GRIK4: variants seen among roughly 807,000 people sequenced by gnomAD.
GRIK4 encodes the protein glutamate receptor ionotropic, kainate 4.
GRIK4 carries 40 observed loss-of-function variants against 104.9 expected under a neutral mutation model. That is an observed-to-expected ratio of 0.38 (90% CI 0.30 to 0.50). The LOEUF (loss-of-function observed/expected upper bound fraction) is 0.50, where lower values mean the gene tolerates loss of function less well. Among genes scored for constraint, GRIK4 ranks in the 20% least tolerant of loss-of-function variants. The pLI, the probability that GRIK4 is intolerant of heterozygous loss-of-function variation, is 0.93. For missense variants in GRIK4, 1,047 were observed against 1,308.1 expected, an observed-to-expected ratio of 0.80 and a Z score of 3.08; for synonymous variants, 485 against 524.9, an observed-to-expected ratio of 0.92 and a Z score of 1.04.
chr11:120,917,172 G>A (rs371984998), intron 13 of GRIK4, among the ~76,000 whole-genome samples: 2 of 150,032 alleles, frequency 1.3e-5, no homozygotes, highest in East Asian at 1.9e-4. Flanking sequence ...GCTTGAACCC[G>A]GGAGGCGGAG....
intron 1 of GRIK4, among the ~76,000 whole-genome samples, chr11:120,554,524 C>G (rs1165671507): frequency 6.6e-6 from 1 of 152,060 alleles, no homozygotes; most frequent in Admixed American, 6.6e-5. Context: ...CCTTTTCCTT[C>G]CAGTCTCTCT....
At chr11:120,935,839 C>T (rs1367737744) in intron 13 of GRIK4, among the ~76,000 whole-genome samples, 1 of 152,146 alleles carries the variant, frequency 6.6e-6, no homozygotes, top group Non-Finnish European at 1.5e-5. Context: ...AAAAATACCA[C>T]CAGGACAGGG....
intron 13 of GRIK4, among the ~76,000 whole-genome samples, chr11:120,925,486 T>C (rs1206121119): frequency 6.6e-6 from 1 of 152,212 alleles, no homozygotes; most frequent in Non-Finnish European, 1.5e-5. Context: ...GATCCCCATG[T>C]GGACCAGTTA....
At chr11:120,528,687 C>T (rs1947889676) in intron 1 of GRIK4, among the ~76,000 whole-genome samples, 1 of 152,206 alleles carries the variant, frequency 6.6e-6, no homozygotes, top group East Asian at 1.9e-4. Context: ...CAAGTCACAT[C>T]TTACATGAAT....
At chr11:120,900,308 G>T (rs1158049395) in intron 12 of GRIK4, among the ~76,000 whole-genome samples, 2 of 152,220 alleles carry the variant, frequency 1.3e-5, no homozygotes, top group Non-Finnish European at 2.9e-5. Flanking sequence ...TGGGTCCATA[G>T]AGCTTAGGAA....
chr11:120,802,625 C>G, intron 3 of GRIK4, 68 bp from the exon 4 acceptor site: 1 of 1,359,394 alleles, frequency 7.4e-7, no homozygotes, highest in Middle Eastern at 2.5e-4. Context: ...CAGGGGGAGG[C>G]TGGAGAAGGA....
chr11:120,948,973 ATT>A lies in GRIK4; in HGVS notation c.1591-3881_1591-3880del, dbSNP rs552476446. Among the ~76,000 whole-genome samples, 407 of 152,304 alleles carry A rather than the reference ATT, an allele frequency of 2.7e-3. 4 individuals carry two copies. The highest frequency in any genetic ancestry group is 9.5e-3 in the African/African-American group (393 of 41,562). ...ATGTCTTGTAAATGGTGGGGCCAGAATTCAATCTTGGGCAGTCTGGCTGCAGA... is the reference window on the plus strand; with the variant it reads ...ATGTCTTGTAAATGGTGGGGCCAGAACAATCTTGGGCAGTCTGGCTGCAGA... On this transcript the variant is annotated intron_variant, in intron 14 of 20. Transcript: ENST00000527524.
intron 7 of GRIK4, 150 bp from the exon 8 acceptor site, chr11:120,836,641 G>T: frequency 1.5e-6 from 1 of 659,602 alleles, no homozygotes; most frequent in East Asian, 2.5e-5. Flanking sequence ...AAGATCAAGG[G>T]CAACATAAGA....
chr11:120,670,942 G>A (rs1311743673), intron 3 of GRIK4, among the ~76,000 whole-genome samples: 1 of 151,988 alleles, frequency 6.6e-6, no homozygotes, highest in African/African-American at 2.4e-5. Context: ...ACTTATGAGT[G>A]AGAACATGTG....
At chr11:120,943,218 C>T (rs927585714) in intron 14 of GRIK4, among the ~76,000 whole-genome samples, 2 of 151,698 alleles carry the variant, frequency 1.3e-5, no homozygotes, top group Admixed American at 6.6e-5. Flanking sequence ...CAGGATGCCA[C>T]GTGGCTGCCT....
At chr11:120,624,016 G>T (rs1375599890) in intron 1 of GRIK4, among the ~76,000 whole-genome samples, 1 of 143,522 alleles carries the variant, frequency 7.0e-6, no homozygotes, top group East Asian at 2.0e-4. Context: ...TTTCCGCCCT[G>T]CCTCTCTCCA....
rs535111543 is a variant in GRIK4 at position 120,871,744 on chromosome 11, T to C, written c.907-2322T>C. On this transcript the variant is annotated intron_variant, in intron 9 of 20. Coordinates refer to ENST00000527524, the MANE Select transcript of GRIK4 (RefSeq NM_014619.5). ...TACCTGCCAGATGGTAGTGGCTGAATAAAAGTGGGAATAAAGCAAAGAAGC... is the reference window on the plus strand; with the variant it reads ...TACCTGCCAGATGGTAGTGGCTGAACAAAAGTGGGAATAAAGCAAAGAAGC... 3.6e-3 allele frequency: 1,626 copies of C among 455,284 alleles called. 37 individuals carry two copies. The highest frequency in any genetic ancestry group is 0.025 in the South Asian group (1,597 of 64,486). The allele number at this position is 455,284 out of a possible 1,614,324, so 28.2% of individuals were successfully genotyped here.
At chr11:120,614,530 G>T (rs1343018154) in intron 1 of GRIK4, among the ~76,000 whole-genome samples, 1 of 152,192 alleles carries the variant, frequency 6.6e-6, no homozygotes. Context: ...TGGCCCCACA[G>T]CTGCTCCTGG....
intron 11 of GRIK4, among the ~76,000 whole-genome samples, chr11:120,887,291 G>A (rs1347288788): frequency 6.6e-6 from 1 of 152,132 alleles, no homozygotes; most frequent in African/African-American, 2.4e-5. Flanking sequence ...GCTGCCCGTG[G>A]CCTCCTACCG....
chr11:120,789,353 A>G (rs1952351055), intron 3 of GRIK4, among the ~76,000 whole-genome samples: 1 of 152,166 alleles, frequency 6.6e-6, no homozygotes, highest in Non-Finnish European at 1.5e-5. Context: ...TCACTATCTA[A>G]ATTGTCAGTG....
intron 1 of GRIK4, among the ~76,000 whole-genome samples, chr11:120,575,114 C>G (rs1352226872): frequency 6.6e-6 from 1 of 152,134 alleles, no homozygotes; most frequent in Non-Finnish European, 1.5e-5. Flanking sequence ...TCCAGAGGAC[C>G]CTGTTGTGCC....
intron 5 of GRIK4, among the ~76,000 whole-genome samples, chr11:120,818,893 G>T (rs1012668447): frequency 6.6e-6 from 1 of 152,158 alleles, no homozygotes; most frequent in Non-Finnish European, 1.5e-5. Context: ...GGACACCAGG[G>T]GTGAGAGTGG....
At chr11:120,684,259 G>C (rs1421420675) in intron 3 of GRIK4, among the ~76,000 whole-genome samples, 1 of 152,184 alleles carries the variant, frequency 6.6e-6, no homozygotes, top group Non-Finnish European at 1.5e-5. Context: ...GGAGATTGAG[G>C]CTGCAGTGAA....
At chr11:120,827,121 A>G (rs1390902894) in intron 6 of GRIK4, among the ~76,000 whole-genome samples, 1 of 152,216 alleles carries the variant, frequency 6.6e-6, no homozygotes, top group African/African-American at 2.4e-5. Context: ...TCCAGCCAGT[A>G]AAGAGGGAAG....
Sources: gnomAD v4.1 joint callset for allele counts (sites outside exome capture counted in the v4.1 genomes callset) on GRCh38, gnomAD v4.1.1 for gene constraint, MANE v1.5 for transcripts, NCBI Gene and HGNC (gene_info 2026-07-23, HGNC 2026-07-21) for gene names.